MCF2: variants seen among roughly 807,000 people sequenced by gnomAD.
MCF2 encodes proto-oncogene DBL.
A neutral mutation model predicts 82.5 loss-of-function variants in MCF2; 44 were observed. The ratio of observed to expected loss-of-function variants is 0.53; its 90% CI spans 0.42 to 0.69. The LOEUF (loss-of-function observed/expected upper bound fraction) is 0.69. Ranked by LOEUF, MCF2 falls within the 30% of genes least tolerant of loss-of-function variation. MCF2 has a pLI of 0.00. For synonymous variants in MCF2, 217 were observed against 224.9 expected (o/e 0.96, Z 0.32); for missense variants, 623 against 663.1 (o/e 0.94, Z 0.66).
chrX:139,613,073 T>C, intron 10 of MCF2, 143 bp downstream of exon 14: 1 of 414,010 alleles, frequency 2.4e-6, no homozygotes, highest in Non-Finnish European at 4.3e-6. Flanking sequence ...TAATGGATGG[T>C]TATTATGAAA....
At chrX:139,647,525 G>T (rs374870451), upstream of MCF2, among the ~76,000 whole-genome samples, 6 of 111,471 alleles carry the variant, frequency 5.4e-5, no homozygotes, top group Non-Finnish European at 1.1e-4. Flanking sequence ...GAAGCTCCCC[G>T]CAGACCCATG....
At chrX:139,609,356 G>GC (rs1318673348) in intron 11 of MCF2, among the ~76,000 whole-genome samples, 1 of 112,011 alleles carries the variant, frequency 8.9e-6, no homozygotes, top group Non-Finnish European at 1.9e-5. Context: ...ATCAGCCTTG[G>GC]CAACATAGCA....
chrX:139,658,587 A>G (rs986775102), intron 1 of MCF2, among the ~76,000 whole-genome samples: 1 of 110,016 alleles, frequency 9.1e-6, no homozygotes, highest in East Asian at 2.8e-4. Context: ...TTTAAGATAC[A>G]TTATGAGTAG....
chrX:139,627,007 T>C, intron 4 of MCF2, among the ~76,000 whole-genome samples: 1 of 112,391 alleles, frequency 8.9e-6, no homozygotes, highest in African/African-American at 3.2e-5. Context: ...AAGATCATCA[T>C]GGGCAGAAGT....
chrX:139,621,864 C>A (rs952161242), intron 6 of MCF2, among the ~76,000 whole-genome samples: 3 of 110,916 alleles, frequency 2.7e-5, no homozygotes, highest in African/African-American at 9.9e-5. Flanking sequence ...GCAACAAAAG[C>A]CAAAATTGAC....
chrX:139,587,469 T>C (rs1256358065), intron 22 of MCF2, among the ~76,000 whole-genome samples: 2 of 111,719 alleles, frequency 1.8e-5, no homozygotes, highest in East Asian at 2.8e-4. Context: ...ATGTAATTCT[T>C]CCAATGATAT....
intron 1 of MCF2, among the ~76,000 whole-genome samples, chrX:139,670,498 T>C (rs1480662252): frequency 2.7e-5 from 3 of 109,994 alleles, no homozygotes; most frequent in Non-Finnish European, 3.8e-5. Flanking sequence ...GGGTGTGATG[T>C]TCCCTGCCCT....
At chrX:139,632,454 C>G in exon 2 of MCF2, 3 of 1,194,172 alleles carry the variant, frequency 2.5e-6, no homozygotes, top group Non-Finnish European at 3.4e-6. Context: ...GGGAAGGAAG[C>G]CTGTAGAAAG....
At chrX:139,666,916 C>T (rs1934537885) in intron 1 of MCF2, among the ~76,000 whole-genome samples, 1 of 111,559 alleles carries the variant, frequency 9.0e-6, no homozygotes, top group African/African-American at 3.3e-5. Flanking sequence ...ATCCTAATCT[C>T]TTTATTTTCT....
intron 11 of MCF2, among the ~76,000 whole-genome samples, chrX:139,608,275 G>A (rs6654365): frequency 1.2e-4 from 13 of 110,066 alleles, no homozygotes; most frequent in African/African-American, 4.0e-4. Context: ...ATCATCATAA[G>A]CTTGAATATG....
intron 1 of MCF2, among the ~76,000 whole-genome samples, chrX:139,703,791 G>A (rs1378496314): frequency 2.7e-5 from 3 of 111,182 alleles, no homozygotes; most frequent in African/African-American, 9.8e-5. Flanking sequence ...GGAAAATGGG[G>A]AAGGATATTT....
At chrX:139,660,549 G>A (rs1439850566) in intron 1 of MCF2, among the ~76,000 whole-genome samples, 3 of 112,032 alleles carry the variant, frequency 2.7e-5, no homozygotes, top group African/African-American at 9.7e-5. Context: ...TATACCATCT[G>A]TAAATAGTAA....
chrX:139,642,400 C>T lies in MCF2; in HGVS notation c.51+68G>A, dbSNP rs1015566834. 3.5e-5 allele frequency: 42 copies of T among 1,186,866 alleles called. No homozygotes were observed. In the East Asian group the frequency reaches 1.2e-3, roughly 34 times the overall value. On this transcript the variant is annotated intron_variant, in intron 1 of 24. Coordinates refer to ENST00000370576, the Ensembl canonical transcript of MCF2. ...CTACTCAGCAGTTTGTGCTATAGCA[C>T]CATGCTGCAGCATCCCAGCACTTGA... is the stretch of plus-strand genomic sequence containing the variant.
In MCF2 at chrX:139,620,018, T is replaced by G. The variant is rs1024409364; in HGVS notation, c.688-312A>C. ...ACATTTGTGTGTGTGTGTGTGTGTG[T>G]GTGTGTGTGTATATATATATAGCAA... is the stretch of plus-strand genomic sequence containing the variant. On this transcript the variant is annotated intron_variant, in intron 6 of 24. Transcript: ENST00000370576. Among the ~76,000 whole-genome samples, 12 of 105,987 alleles carry G rather than the reference T, an allele frequency of 1.1e-4. No individual in the cohort carries two copies. The South Asian group carries it at 1.6e-3, about 15-fold the overall frequency. The allele number at this position is 105,987 out of a possible 115,157, so 92.0% of individuals were successfully genotyped here.
At chrX:139,667,945 C>T (rs1402245503) in intron 1 of MCF2, among the ~76,000 whole-genome samples, 1 of 112,123 alleles carries the variant, frequency 8.9e-6, no homozygotes, top group Admixed American at 9.4e-5. Flanking sequence ...CACTTGAACC[C>T]TGATGACTGG....
At chrX:139,604,926 C>A in exon 14 of MCF2, 1 of 1,203,305 alleles carries the variant, frequency 8.3e-7, no homozygotes, top group African/African-American at 1.7e-5. Context: ...CTTTTTATTT[C>A]TCAGGAGAGG....
chrX:139,630,792 G>A (rs1250216544), intron 3 of MCF2, among the ~76,000 whole-genome samples: 1 of 111,775 alleles, frequency 8.9e-6, no homozygotes, highest in Non-Finnish European at 1.9e-5. Context: ...CAGGGCCCTT[G>A]CCTATTTGTA....
intron 4 of MCF2, among the ~76,000 whole-genome samples, chrX:139,629,281 G>A (rs750009996): frequency 1.8e-5 from 2 of 111,576 alleles, no homozygotes; most frequent in South Asian, 3.8e-4. Flanking sequence ...GTAACACAAC[G>A]GTATACGTTT....
Position 139,685,204 on chromosome X carries a change from A to T in MCF2, c.-45+22902T>A, listed in dbSNP as rs760568007. Among the ~76,000 whole-genome samples the T allele has an allele frequency of 1.4e-4, 15 of 111,099 alleles. No homozygotes were observed. In the East Asian group the frequency reaches 4.3e-3, roughly 32 times the overall value. ...GAAGATATCCAAATTGGAAAAGAGG[A>T]AGTCAAATTATCTCTGTTTGCTGAT... On this transcript the variant is annotated intron_variant, in intron 1 of 27. Transcript: ENST00000414978.
Sources: gnomAD v4.1 joint callset for allele counts (sites outside exome capture counted in the v4.1 genomes callset) on GRCh38, gnomAD v4.1.1 for gene constraint, MANE v1.5 for transcripts, NCBI Gene and HGNC (gene_info 2026-07-23, HGNC 2026-07-21) for gene names.